The following CACNA1C variants were observed in gnomAD, a reference collection of about 807,000 sequenced individuals.
CACNA1C encodes the protein voltage-dependent L-type calcium channel subunit alpha-1C.
Under a neutral mutation model 229.0 loss-of-function variants are expected in CACNA1C, and 30 were observed. The ratio of observed to expected loss-of-function variants is 0.13; its 90% CI spans 0.10 to 0.18. The LOEUF is 0.18. Among genes scored for constraint, CACNA1C ranks in the 10% least tolerant of loss-of-function variants. The pLI, the probability that CACNA1C is intolerant of heterozygous loss-of-function variation, is 1.00. For synonymous variants in CACNA1C, 1,114 were observed against 1,132.5 expected (o/e 0.98, Z 0.33); for missense variants, 1,658 against 2,845.0 (o/e 0.58, Z 9.49).
At chr12:2,264,431 ACTCC>A (rs1481538367) in intron 3 of CACNA1C, among the ~76,000 whole-genome samples, 1 of 152,082 alleles carries the variant, frequency 6.6e-6, no homozygotes, top group Non-Finnish European at 1.5e-5. Flanking sequence ...ATCCCGTTCA[ACTCC>A]CTCCTCTTAC....
In CACNA1C at chr12:2,512,784, G is replaced by A. The variant is rs916330677; in HGVS notation, c.1218-28G>A. The stretch of plus-strand genomic sequence containing the variant: ...GCTCCCTCCTTCTCTGTGCTCTCCT[G>A]CCCTGCCCCTCCTCTCACTCTCACC... On this transcript the variant is annotated intron_variant, in intron 8 of 46. Transcript: ENST00000399655. The surrounding 1 kb of genome is among the most constrained non-coding windows in gnomAD (Gnocchi z 4.3). 7 of 1,580,786 alleles carry A rather than the reference G, an allele frequency of 4.4e-6. No homozygotes were observed. The Admixed American group carries it at 8.6e-5, about 19-fold the overall frequency.
intron 1 of CACNA1C, among the ~76,000 whole-genome samples, chr12:2,101,492 A>G (rs1466044878): frequency 6.6e-6 from 1 of 152,098 alleles, no homozygotes; most frequent in African/African-American, 2.4e-5. Flanking sequence ...CGTCGTCCTC[A>G]CCGTGCAGAA....
intron 21 of CACNA1C, among the ~76,000 whole-genome samples, chr12:2,599,789 A>G (rs1387531243): frequency 6.6e-6 from 1 of 152,172 alleles, no homozygotes; most frequent in Admixed American, 6.5e-5. Flanking sequence ...TGCCCTGAAC[A>G]CCACAGATGA....
chr12:2,179,300 G>T (rs544075778), intron 3 of CACNA1C, among the ~76,000 whole-genome samples: 1 of 152,356 alleles, frequency 6.6e-6, no homozygotes, highest in African/African-American at 2.4e-5. Flanking sequence ...AAGTCGGGGA[G>T]GAGGTATGCA....
chr12:2,449,137 TTTCC>T, intron 4 of CACNA1C, 22 bp downstream of exon 4: 1 of 1,497,296 alleles, frequency 6.7e-7, no homozygotes. Flanking sequence ...TGTCTGTTTC[TTTCC>T]CTTTATCTTA....
chr12:2,039,602 A>G (rs908203590), intron 1 of CACNA1C, among the ~76,000 whole-genome samples: 1 of 152,226 alleles, frequency 6.6e-6, no homozygotes, highest in Non-Finnish European at 1.5e-5. Context: ...GGAATACAGG[A>G]GGTAAACAAA....
chr12:2,333,438 T>C (rs2096607458), intron 3 of CACNA1C, among the ~76,000 whole-genome samples: 1 of 152,200 alleles, frequency 6.6e-6, no homozygotes, highest in Non-Finnish European at 1.5e-5. Context: ...CTCTCTGTTG[T>C]GATTTCCTCA....
rs80198737 is a variant in CACNA1C, at chr12:2,601,591, A to G, written c.2854-263A>G. On this transcript the variant is annotated intron_variant, in intron 21 of 46. Coordinates refer to ENST00000399655, the MANE Select transcript of CACNA1C (RefSeq NM_000719.7). This position sits in a 1 kb window ranked among gnomAD's most constrained non-coding sequence, Gnocchi z 5.9. ...TGGGGCCCACTTGAAAGGGCTTTGA[A>G]TGGAGGACTAAAGAGCCTGGCTTGG... 1.5e-3 allele frequency among the ~76,000 whole-genome samples: 233 copies of G among 152,282 alleles called. 5 individuals carry two copies. In the East Asian group the frequency reaches 0.041, roughly 27 times the overall value.
chr12:2,491,506 A>G (rs768390700), intron 6 of CACNA1C, among the ~76,000 whole-genome samples: 2 of 149,790 alleles, frequency 1.3e-5, no homozygotes, highest in Non-Finnish European at 3.0e-5. Context: ...GACAGAGAAC[A>G]AGGAGGAGGA....
chr12:2,439,650 G>A (rs1239504464), intron 3 of CACNA1C, among the ~76,000 whole-genome samples: 4 of 152,142 alleles, frequency 2.6e-5, no homozygotes, highest in Non-Finnish European at 5.9e-5. Context: ...AAACTGATAG[G>A]CAACTAAGCC....
chr12:2,381,991 A>T (rs1246417737), intron 3 of CACNA1C, among the ~76,000 whole-genome samples: 1 of 152,198 alleles, frequency 6.6e-6, no homozygotes, highest in East Asian at 1.9e-4. Context: ...TGCTGCCTCC[A>T]GCCTGGGGCA....
At chr12:2,579,357 C>T (rs113021458) in intron 13 of CACNA1C, among the ~76,000 whole-genome samples, 4 of 152,226 alleles carry the variant, frequency 2.6e-5, no homozygotes, top group East Asian at 1.9e-4. Flanking sequence ...ACTCTTCCCT[C>T]GGATACAGCT....
intron 3 of CACNA1C, among the ~76,000 whole-genome samples, chr12:2,124,671 G>A (rs2089184282): frequency 6.6e-6 from 1 of 152,182 alleles, no homozygotes; most frequent in South Asian, 2.1e-4. Context: ...GGATAGAGAG[G>A]GGGCAGTGGA....
chr12:2,191,615 C>T (rs2097216388), intron 3 of CACNA1C, among the ~76,000 whole-genome samples: 1 of 152,038 alleles, frequency 6.6e-6, no homozygotes, highest in Non-Finnish European at 1.5e-5. Flanking sequence ...TGCGCTCAGG[C>T]ACACATGCAC....
At chr12:1,984,322 G>A (rs2037023354) in intron 1 of CACNA1C, among the ~76,000 whole-genome samples, 1 of 151,590 alleles carries the variant, frequency 6.6e-6, no homozygotes, top group Non-Finnish European at 1.5e-5. Context: ...CCTCTTTCTT[G>A]TCTTCTTTTG....
At chr12:2,127,676 G>A (rs2238036) in intron 3 of CACNA1C, among the ~76,000 whole-genome samples, 12,754 of 152,152 alleles carry the variant, frequency 0.084, 768 homozygotes, top group East Asian at 0.22. Flanking sequence ...GTGCTTCTAC[G>A]GAGTCAGTTC....
chr12:2,445,523 G>A (rs2239080), intron 3 of CACNA1C, among the ~76,000 whole-genome samples: 45,621 of 152,020 alleles, frequency 0.3, 8,051 homozygotes, highest in East Asian at 0.73. Context: ...GGCATGGATC[G>A]CAGGATAGGC....
chr12:2,321,176 A>G (rs767279965), intron 3 of CACNA1C, among the ~76,000 whole-genome samples: 2 of 147,932 alleles, frequency 1.4e-5, no homozygotes, highest in Admixed American at 6.7e-5. Context: ...AAATCCTCCT[A>G]CCTGTCCAGG....
At chr12:2,028,242 G>A (rs2047655696) in intron 1 of CACNA1C, among the ~76,000 whole-genome samples, 1 of 152,198 alleles carries the variant, frequency 6.6e-6, no homozygotes, top group Non-Finnish European at 1.5e-5. Flanking sequence ...GGAGCTGCTT[G>A]GGGCATGGAG....
Sources: allele counts gnomAD v4.1 joint callset (sites outside exome capture counted in the v4.1 genomes callset), GRCh38; gene constraint gnomAD v4.1.1; non-coding constraint Gnocchi (gnomAD v3.1); transcripts MANE v1.5; gene names NCBI Gene and HGNC (gene_info 2026-07-23, HGNC 2026-07-21).